DLGAP1: variants seen among roughly 807,000 people sequenced by gnomAD.
The protein encoded by DLGAP1 is DLG associated protein 1.
Under a neutral mutation model 90.8 loss-of-function variants are expected in DLGAP1, and 11 were observed. That is an observed-to-expected ratio of 0.12 (90% CI 0.08 to 0.20). DLGAP1 has a LOEUF of 0.20. Among genes scored for constraint, DLGAP1 ranks in the 10% least tolerant of loss-of-function variants. The pLI is 1.00. For missense variants in DLGAP1, 1,050 were observed against 1,333.8 expected (o/e 0.79, Z 3.31); for synonymous variants, 558 against 540.7 (o/e 1.03, Z -0.44).
chr18:4,287,044 G>T (rs183406009), intron 1 of DLGAP1, among the ~76,000 whole-genome samples: 138 of 152,262 alleles, frequency 9.1e-4, no homozygotes, highest in African/African-American at 3.1e-3. Context: ...AGAAAAGCAT[G>T]TCATGGGTGG....
At chr18:4,065,414 T>C (rs1057211856) in intron 2 of DLGAP1, among the ~76,000 whole-genome samples, 2 of 152,120 alleles carry the variant, frequency 1.3e-5, no homozygotes, top group Non-Finnish European at 2.9e-5. Flanking sequence ...ATCCTATTTC[T>C]AGAAAACCCC....
At chr18:3,984,849 C>A (rs968560394) in intron 3 of DLGAP1, among the ~76,000 whole-genome samples, 1 of 152,088 alleles carries the variant, frequency 6.6e-6, no homozygotes, top group African/African-American at 2.4e-5. Context: ...AGAGCTCAGC[C>A]GGTTCTGAAG....
At chr18:3,695,290 T>G (rs1201008602) in intron 7 of DLGAP1, among the ~76,000 whole-genome samples, 3 of 152,206 alleles carry the variant, frequency 2.0e-5, no homozygotes, top group Non-Finnish European at 4.4e-5. Context: ...GCCTATGTCC[T>G]GAATGGTATT....
intron 1 of DLGAP1, among the ~76,000 whole-genome samples, chr18:4,307,668 C>G (rs1343275037): frequency 6.6e-6 from 1 of 151,670 alleles, no homozygotes; most frequent in Non-Finnish European, 1.5e-5. Flanking sequence ...CACTCTGCCC[C>G]GCCAGCACTC....
At chr18:3,747,175 C>T (rs1003534217) in intron 5 of DLGAP1, among the ~76,000 whole-genome samples, 2 of 151,942 alleles carry the variant, frequency 1.3e-5, no homozygotes, top group Non-Finnish European at 2.9e-5. Flanking sequence ...ATAGTGAGGC[C>T]CTGTCTGTAT....
chr18:3,506,066 G>T (rs564762042), intron 11 of DLGAP1, among the ~76,000 whole-genome samples: 1 of 151,996 alleles, frequency 6.6e-6, no homozygotes, highest in South Asian at 2.1e-4. Flanking sequence ...GTGAAACCCC[G>T]TCTCTACTAA....
rs181599639 is a variant in DLGAP1, at chr18:3,646,205, G to T, written c.1592-63957C>A. On this transcript the variant is annotated intron_variant, in intron 7 of 12. Coordinates refer to ENST00000315677, the MANE Select transcript of DLGAP1 (RefSeq NM_004746.4). ...GAACCCAGGAGTTTGAGACCAGCCT[G>T]GGCAATATAATGAGACCTCATCTCT... Among the ~76,000 whole-genome samples, 260 of 152,122 alleles carry T rather than the reference G, an allele frequency of 1.7e-3. 2 individuals carry two copies. The highest frequency in any genetic ancestry group is 6.0e-3 in the African/African-American group (248 of 41,506).
At chr18:3,600,715 G>GATATAGAGATATAGATATATATATAGAT in intron 7 of DLGAP1, among the ~76,000 whole-genome samples, 1 of 64,448 alleles carries the variant, frequency 1.6e-5, no homozygotes, top group South Asian at 4.4e-4. Flanking sequence ...TAGCTATATA[G>GATATAGAGATATAGATATATATATAGAT]ATATAGAGAT....
intron 12 of DLGAP1, among the ~76,000 whole-genome samples, chr18:3,500,738 T>TTA (rs2049886769): frequency 1.3e-5 from 2 of 152,246 alleles, no homozygotes; most frequent in African/African-American, 4.8e-5. Flanking sequence ...AGCTAACTAA[T>TTA]GATTTACTAT....
chr18:3,698,290 T>C (rs988042454), intron 7 of DLGAP1, among the ~76,000 whole-genome samples: 1 of 152,232 alleles, frequency 6.6e-6, no homozygotes, highest in African/African-American at 2.4e-5. Flanking sequence ...CAATGGTCTT[T>C]ACAATTTGAT....
intron 9 of DLGAP1, among the ~76,000 whole-genome samples, chr18:3,556,067 AC>A (rs1445536069): frequency 6.6e-6 from 1 of 152,124 alleles, no homozygotes; most frequent in East Asian, 1.9e-4. Flanking sequence ...TAAACAAAAC[AC>A]CCCAGGACAA....
intron 7 of DLGAP1, among the ~76,000 whole-genome samples, chr18:3,680,756 T>G (rs1281033228): frequency 7.7e-6 from 1 of 129,478 alleles, no homozygotes; most frequent in Admixed American, 9.5e-5. Flanking sequence ...GCCACTGCAC[T>G]CCAGCCTGGA....
intron 3 of DLGAP1, among the ~76,000 whole-genome samples, chr18:3,947,909 A>T (rs2072908291): frequency 6.6e-6 from 1 of 152,202 alleles, no homozygotes; most frequent in African/African-American, 2.4e-5. Context: ...TTTGTAATAC[A>T]TCTTGTCTCT....
chr18:3,830,004 C>T (rs189595402), intron 4 of DLGAP1, among the ~76,000 whole-genome samples: 11 of 152,174 alleles, frequency 7.2e-5, no homozygotes, highest in Non-Finnish European at 1.2e-4. Flanking sequence ...GCATATGCTC[C>T]GTTCATTTTC....
intron 4 of DLGAP1, among the ~76,000 whole-genome samples, chr18:3,843,505 C>T (rs964173654): frequency 3.9e-5 from 6 of 152,082 alleles, no homozygotes; most frequent in Non-Finnish European, 8.8e-5. Context: ...TTAAATTGAA[C>T]ATAGATCAAT....
intron 7 of DLGAP1, among the ~76,000 whole-genome samples, chr18:3,608,789 G>A (rs943303525): frequency 6.6e-6 from 1 of 152,116 alleles, no homozygotes; most frequent in Non-Finnish European, 1.5e-5. Context: ...GTTTGTTACC[G>A]TTAGATAATA....
At chr18:3,677,705 C>G (rs758946235) in intron 7 of DLGAP1, among the ~76,000 whole-genome samples, 6 of 152,310 alleles carry the variant, frequency 3.9e-5, no homozygotes, top group Non-Finnish European at 7.4e-5. Context: ...GTCGCCCAGG[C>G]TGGAGTGCAA....
intron 7 of DLGAP1, among the ~76,000 whole-genome samples, chr18:3,629,634 C>T (rs58820545): frequency 0.12 from 17,494 of 151,260 alleles, 2,815 homozygotes; most frequent in African/African-American, 0.36. Flanking sequence ...ATCGCGCCAC[C>T]GCACTCCAGC....
In DLGAP1 at chr18:3,819,443, AC is replaced by A. The variant is rs563711304; in HGVS notation, c.958-5171del. Among the ~76,000 whole-genome samples the A allele has an allele frequency of 1.8e-4, 27 of 152,248 alleles. No individual in the cohort carries two copies. The East Asian group carries it at 5.0e-3, about 28-fold the overall frequency. On this transcript the variant is annotated intron_variant, in intron 4 of 12. Transcript: ENST00000315677. ...CTATGGCTCTTAGAATCAATTAAAAACCTTTTAAAAATATGTATGAGAAGAA... is the reference window on the plus strand; with the variant it reads ...CTATGGCTCTTAGAATCAATTAAAAACTTTTAAAAATATGTATGAGAAGAA...
Sources: allele counts gnomAD v4.1 joint callset (sites outside exome capture counted in the v4.1 genomes callset), GRCh38; gene constraint gnomAD v4.1.1; transcripts MANE v1.5; gene names NCBI Gene and HGNC (gene_info 2026-07-23, HGNC 2026-07-21).